Variants in FRMPD2 observed in about 807,000 individuals in gnomAD.
FRMPD2 encodes FERM and PDZ domain-containing protein 2.
FRMPD2 carries 96 observed loss-of-function variants against 140.1 expected under a neutral mutation model. That is an observed-to-expected ratio of 0.69 (90% confidence interval 0.58 to 0.81). The LOEUF (loss-of-function observed/expected upper bound fraction) is 0.81. Ranked by LOEUF, FRMPD2 falls within the 40% of genes least tolerant of loss-of-function variation. The probability of loss-of-function intolerance (pLI) is 0.00; values close to 1 mark genes in which losing one functional copy is unlikely to be tolerated. For missense variants in FRMPD2, 1,240 were observed against 1,447.4 expected (o/e 0.86, Z 2.32); for synonymous variants, 449 against 547.6 (o/e 0.82, Z 2.52).
intron 1 of FRMPD2, 111 bp downstream of exon 1, chr10:48,274,432 A>C (rs1291888761): frequency 3.3e-6 from 3 of 909,116 alleles, no homozygotes; most frequent in Non-Finnish European, 5.4e-6. Flanking sequence ...GCACTGACAC[A>C]GGTCCTTGCC....
At chr10:48,269,161 C>T (rs1306810643) in intron 1 of FRMPD2, among the ~76,000 whole-genome samples, 2 of 152,010 alleles carry the variant, frequency 1.3e-5, no homozygotes, top group Non-Finnish European at 2.9e-5. Flanking sequence ...TCAGGGAAAA[C>T]AAAACAGCAA....
At chr10:48,213,443 TGCTTACC>T (rs1443639360) in intron 12 of FRMPD2, among the ~76,000 whole-genome samples, 1 of 152,228 alleles carries the variant, frequency 6.6e-6, no homozygotes, top group East Asian at 1.9e-4. Flanking sequence ...ACTAAACATA[TGCTTACC>T]ATATGATTGA....
rs991212117 is a variant in FRMPD2, at chr10:48,223,042, C to T, written c.1316+81G>A. 3.8e-6 allele frequency: 5 copies of T among 1,320,922 alleles called. No homozygotes were observed. In the East Asian group the frequency reaches 9.3e-5, roughly 25 times the overall value. 81.8% of individuals were successfully genotyped at this position (1,320,922 alleles called of 1,614,324 possible). On this transcript the variant is annotated intron_variant, in intron 11 of 28. Coordinates refer to ENST00000374201, the MANE Select transcript of FRMPD2 (RefSeq NM_001018071.4). ...TATGTAATTTACAGTTTGCAAAGCA[C>T]TTGTCGATCCATTACCTCTCCGTCA...
At position 48,236,565 on chromosome 10, in the gene FRMPD2, C is replaced by T. The variant is rs547223846; in HGVS notation, c.922-12G>A. ...TCTGGCCTGGAAAACTGGAGGAAAA[C>T]AGTCACATATGGTAGAGAAGACAAC... On this transcript the variant is annotated splice_polypyrimidine_tract_variant and intron_variant, in intron 8 of 28. Transcript: ENST00000374201. 5.0e-6 allele frequency: 8 copies of T among 1,613,544 alleles called. No individual in the cohort carries two copies. In the African/African-American group the frequency reaches 1.1e-4, roughly 22 times the overall value.
intron 1 of FRMPD2, among the ~76,000 whole-genome samples, chr10:48,252,533 C>T (rs916564815): frequency 3.3e-5 from 5 of 152,090 alleles, no homozygotes; most frequent in Non-Finnish European, 7.4e-5. Context: ...ATAGAGGCAC[C>T]CCCATCCCCC....
intron 10 of FRMPD2, among the ~76,000 whole-genome samples, chr10:48,230,031 A>C (rs1045484475): frequency 1.1e-4 from 16 of 152,306 alleles, no homozygotes; most frequent in African/African-American, 3.6e-4. Context: ...AATTAATTAC[A>C]TGAGGCTGAA....
At chr10:48,229,493 C>T (rs1839800273) in intron 10 of FRMPD2, among the ~76,000 whole-genome samples, 2 of 152,028 alleles carry the variant, frequency 1.3e-5, no homozygotes, top group African/African-American at 4.8e-5. Context: ...GGATATGTCC[C>T]TCACCTTGTA....
intron 3 of FRMPD2, among the ~76,000 whole-genome samples, chr10:48,246,491 G>A (rs1003786369): frequency 1.3e-5 from 2 of 152,264 alleles, no homozygotes; most frequent in Non-Finnish European, 2.9e-5. Context: ...CAGTGGGAAA[G>A]AACACCATGT....
At chr10:48,239,989 GAAC>G (rs1840065643) in intron 6 of FRMPD2, among the ~76,000 whole-genome samples, 2 of 151,988 alleles carry the variant, frequency 1.3e-5, no homozygotes, top group African/African-American at 2.4e-5. Context: ...GAAAAGTAGA[GAAC>G]AGTAGATTTG....
intron 16 of FRMPD2, among the ~76,000 whole-genome samples, chr10:48,191,802 T>A (rs774794802): frequency 2.0e-5 from 3 of 152,160 alleles, no homozygotes; most frequent in Non-Finnish European, 2.9e-5. Context: ...TTATGAATCG[T>A]TTTGTCATGT....
intron 11 of FRMPD2, 151 bp downstream of exon 11, chr10:48,222,972 G>A (rs1839640822): frequency 2.9e-6 from 2 of 678,238 alleles, no homozygotes; most frequent in African/African-American, 1.8e-5. Context: ...ATCTTGATCA[G>A]AATCCAATCA....
Position 48,185,538 on chromosome 10 carries a change from A to C in FRMPD2, c.2359+15T>G. The stretch of plus-strand genomic sequence containing the variant: ...GCAGTAGAGACTGGGCCTCACCTAC[A>C]GGGAGCCCTCTTACCAAAACCACGA... On this transcript the variant is annotated intron_variant, in intron 18 of 28. Coordinates refer to ENST00000374201, the MANE Select transcript of FRMPD2 (RefSeq NM_001018071.4). 6.3e-7 allele frequency: 1 copy of C among 1,598,300 alleles called. No homozygotes were observed. The highest frequency in any genetic ancestry group is 8.6e-7 in the Non-Finnish European group (1 of 1,165,534).
chr10:48,195,075 C>A (rs1838920512), intron 15 of FRMPD2, among the ~76,000 whole-genome samples: 1 of 152,148 alleles, frequency 6.6e-6, no homozygotes, highest in African/African-American at 2.4e-5. Flanking sequence ...CTTACAGTGT[C>A]ATAAGGACAC....
chr10:48,239,640 G>A lies in FRMPD2; in HGVS notation c.753C>T (p.Thr251=), dbSNP rs551338963. The change falls in exon 7 of 29, where the codon ACC becomes ACT. Residue 251 remains threonine (T), a synonymous_variant. Coordinates refer to ENST00000374201, the MANE Select transcript of FRMPD2 (RefSeq NM_001018071.4). Reference sequence around the variant, plus strand: ...GGAGGCTGCAGTGACTGTGTGTCAAGGTGCTCCAATGGGGCTCTGGTGAGC... The same window carrying A: ...GGAGGCTGCAGTGACTGTGTGTCAAAGTGCTCCAATGGGGCTCTGGTGAGC... ...TQSSPEPHWS[T]LTHSHCSLLV... is the part of the protein sequence containing the mutation. 1.9e-6 allele frequency: 3 copies of A among 1,614,158 alleles called. No homozygotes were observed. The highest frequency in any genetic ancestry group is 2.5e-6 in the Non-Finnish European group (3 of 1,179,998).
At chr10:48,224,162 G>A (rs955367227) in intron 10 of FRMPD2, among the ~76,000 whole-genome samples, 1 of 152,280 alleles carries the variant, frequency 6.6e-6, no homozygotes, top group East Asian at 1.9e-4. Flanking sequence ...ACCCCTGGGA[G>A]GGAGACTGAA....
At chr10:48,218,102 G>A (rs1199310406) in intron 12 of FRMPD2, among the ~76,000 whole-genome samples, 2 of 152,158 alleles carry the variant, frequency 1.3e-5, no homozygotes, top group African/African-American at 2.4e-5. Flanking sequence ...TCCTCACATG[G>A]CCTTTCCTCT....
intron 12 of FRMPD2, among the ~76,000 whole-genome samples, chr10:48,219,134 C>T (rs1449154144): frequency 6.6e-6 from 1 of 152,028 alleles, no homozygotes; most frequent in Non-Finnish European, 1.5e-5. Context: ...TTCAAAGGCT[C>T]AGTAACATGC....
chr10:48,174,452 G>A (rs1431085369), intron 24 of FRMPD2, among the ~76,000 whole-genome samples: 1 of 152,188 alleles, frequency 6.6e-6, no homozygotes, highest in Non-Finnish European at 1.5e-5. Flanking sequence ...GAGGGGGAAT[G>A]GCATGAACAG....
chr10:48,185,453 T>A (rs1319977763), intron 18 of FRMPD2, 100 bp downstream of exon 18: 1 of 791,442 alleles, frequency 1.3e-6, no homozygotes, highest in Non-Finnish European at 2.3e-6. Context: ...AGAGGAGGGA[T>A]AGGAAAGGGG....
Sources: allele counts gnomAD v4.1 joint callset (sites outside exome capture counted in the v4.1 genomes callset), GRCh38; gene constraint gnomAD v4.1.1; transcripts MANE v1.5; gene names NCBI Gene and HGNC (gene_info 2026-07-23, HGNC 2026-07-21).